DYM: variants seen among roughly 807,000 people sequenced by gnomAD.
DYM encodes the protein dymeclin.
A neutral mutation model predicts 93.1 loss-of-function variants in DYM; 78 were observed. That is an observed-to-expected ratio of 0.84 (90% CI 0.70 to 1.01). The LOEUF is 1.01. Among genes scored for constraint, DYM ranks in the 50% least tolerant of loss-of-function variants. DYM has a pLI of 0.00. For synonymous variants in DYM, 321 were observed against 319.7 expected (o/e 1.00, Z -0.04); for missense variants, 789 against 845.0 (o/e 0.93, Z 0.82).
At chr18:49,090,430 A>T (rs992473970) in intron 17 of DYM, among the ~76,000 whole-genome samples, 1 of 152,242 alleles carries the variant, frequency 6.6e-6, no homozygotes, top group African/African-American at 2.4e-5. Flanking sequence ...GTCTAAAGTG[A>T]TAAAAATAAA....
chr18:49,311,864 T>C (rs2146366024), intron 8 of DYM, among the ~76,000 whole-genome samples: 1 of 150,954 alleles, frequency 6.6e-6, no homozygotes, highest in African/African-American at 2.4e-5. Flanking sequence ...ACCCTAGAAC[T>C]TAAAGTATAA....
intron 6 of DYM, among the ~76,000 whole-genome samples, chr18:49,341,899 G>A (rs1220978549): frequency 3.3e-5 from 5 of 152,136 alleles, no homozygotes; most frequent in Non-Finnish European, 5.9e-5. Flanking sequence ...TTGAGAAGCT[G>A]AATATGTTCT....
chr18:49,162,940 A>G (rs2087353765), intron 15 of DYM, among the ~76,000 whole-genome samples: 1 of 152,214 alleles, frequency 6.6e-6, no homozygotes. Flanking sequence ...AGCAAAAGGA[A>G]GCAGAGACCA....
At chr18:49,433,130 G>T (rs9967417) in intron 1 of DYM, among the ~76,000 whole-genome samples, 1 of 151,964 alleles carries the variant, frequency 6.6e-6, no homozygotes, top group African/African-American at 2.4e-5. Context: ...CACAGCCATG[G>T]AGCAGGCTGG....
intron 17 of DYM, among the ~76,000 whole-genome samples, chr18:49,093,537 A>C (rs188519201): frequency 9.8e-5 from 15 of 152,326 alleles, no homozygotes; most frequent in Admixed American, 9.2e-4. Context: ...GGAGGGCGGC[A>C]ACGTGGAGGG....
intron 1 of DYM, among the ~76,000 whole-genome samples, chr18:49,449,148 A>C (rs1254880633): frequency 6.6e-6 from 1 of 152,192 alleles, no homozygotes; most frequent in South Asian, 2.1e-4. Flanking sequence ...CCTCTTTGCA[A>C]GACCTTAGGC....
intron 13 of DYM, among the ~76,000 whole-genome samples, chr18:49,216,809 C>A (rs1350245688): frequency 6.6e-6 from 1 of 152,104 alleles, no homozygotes; most frequent in Admixed American, 6.5e-5. Context: ...GGGGAAAAAA[C>A]AGAGCAAAAA....
In DYM at chr18:49,454,338, G is replaced by C. The variant is rs146567931; in HGVS notation, c.-54+6060C>G. On this transcript the variant is annotated intron_variant, in intron 1 of 17. Transcript: ENST00000675505. ...CAGCCCCAAATCATTTTCTAACAAA[G>C]AGCAGCCTGCAAGCTGGGAGCTTGC... is the stretch of plus-strand genomic sequence containing the variant. Among the ~76,000 whole-genome samples, 258 of 152,236 alleles carry C rather than the reference G, an allele frequency of 1.7e-3. 2 individuals are homozygous for C. The highest frequency in any genetic ancestry group is 5.5e-3 in the African/African-American group (230 of 41,536).
At chr18:49,429,382 T>G (rs1408549322) in intron 2 of DYM, among the ~76,000 whole-genome samples, 2 of 152,256 alleles carry the variant, frequency 1.3e-5, no homozygotes, top group African/African-American at 4.8e-5. Flanking sequence ...ATTCTGCCTA[T>G]CATAATAAAG....
At chr18:49,107,235 G>T (rs186780860) in intron 16 of DYM, among the ~76,000 whole-genome samples, 3 of 152,138 alleles carry the variant, frequency 2.0e-5, no homozygotes, top group Non-Finnish European at 2.9e-5. Flanking sequence ...CGTAGTTCTC[G>T]TTCCTTGGTT....
At chr18:49,317,593 CTCTCCCCCCT>C (rs1204836794) in intron 8 of DYM, among the ~76,000 whole-genome samples, 23 of 10,080 alleles carry the variant, frequency 2.3e-3, no homozygotes, top group African/African-American at 0.012. Flanking sequence ...CTCTCTCTCT[CTCTCCCCCCT>C]CCCCCCTCCC....
At chr18:49,235,101 A>C (rs2093821777) in intron 13 of DYM, among the ~76,000 whole-genome samples, 1 of 152,244 alleles carries the variant, frequency 6.6e-6, no homozygotes, top group Non-Finnish European at 1.5e-5. Flanking sequence ...AACCTGGAAC[A>C]GAGAAACCAG....
intron 13 of DYM, among the ~76,000 whole-genome samples, chr18:49,245,378 T>C (rs2094140757): frequency 6.6e-6 from 1 of 152,212 alleles, no homozygotes; most frequent in Admixed American, 6.5e-5. Flanking sequence ...ATTTTTCTTC[T>C]TGCAGAAAGC....
chr18:49,385,157 C>T (rs969773458), intron 3 of DYM, among the ~76,000 whole-genome samples: 1 of 151,890 alleles, frequency 6.6e-6, no homozygotes, highest in Non-Finnish European at 1.5e-5. Flanking sequence ...AGTGAGGATA[C>T]CCGGCTCCTG....
chr18:49,115,871 T>C (rs755129227), intron 16 of DYM, among the ~76,000 whole-genome samples: 1 of 152,198 alleles, frequency 6.6e-6, no homozygotes, highest in Non-Finnish European at 1.5e-5. Flanking sequence ...GATAGAAGGA[T>C]AGGAAAAGCA....
At chr18:49,062,906 T>C (rs1409243254) in intron 17 of DYM, among the ~76,000 whole-genome samples, 2 of 152,170 alleles carry the variant, frequency 1.3e-5, no homozygotes, top group East Asian at 3.8e-4. Context: ...AAGGAGATTA[T>C]AATCCACCTG....
chr18:49,410,232 A>AT (rs913385926), intron 2 of DYM, among the ~76,000 whole-genome samples: 39 of 151,402 alleles, frequency 2.6e-4, no homozygotes, highest in Non-Finnish European at 4.7e-4. Flanking sequence ...TGCCCAGCAA[A>AT]TTTTTTTTTG....
intron 15 of DYM, among the ~76,000 whole-genome samples, chr18:49,120,566 G>C (rs1426523781): frequency 2.0e-5 from 3 of 152,182 alleles, no homozygotes; most frequent in African/African-American, 7.2e-5. Flanking sequence ...TTTTAAATCT[G>C]TGGATGTGGA....
At chr18:49,070,493 A>T (rs930446473) in intron 17 of DYM, among the ~76,000 whole-genome samples, 1 of 152,144 alleles carries the variant, frequency 6.6e-6, no homozygotes, top group African/African-American at 2.4e-5. Context: ...TCTTCATTTC[A>T]CACTCAAGGA....
Sources: gnomAD v4.1 joint callset for allele counts (sites outside exome capture counted in the v4.1 genomes callset) on GRCh38, gnomAD v4.1.1 for gene constraint, MANE v1.5 for transcripts, NCBI Gene and HGNC (gene_info 2026-07-23, HGNC 2026-07-21) for gene names.